ALK: variants seen among roughly 807,000 people sequenced by gnomAD.
The protein encoded by ALK is ALK tyrosine kinase receptor.
In ALK, 74 loss-of-function variants were observed where a neutral mutation model predicts 163.1. That is an observed-to-expected ratio of 0.45 (90% CI 0.38 to 0.55). The LOEUF (loss-of-function observed/expected upper bound fraction) is 0.55, where lower values mean the gene tolerates loss of function less well. ALK is among the 20% of genes least tolerant of loss of function. The pLI, the probability that ALK is intolerant of heterozygous loss-of-function variation, is 0.00. For synonymous variants in ALK, 960 were observed against 843.2 expected, an observed-to-expected ratio of 1.14 and a Z score of -2.40; for missense variants, 2,063 against 2,105.3, an observed-to-expected ratio of 0.98 and a Z score of 0.39.
chr2:29,392,717 T>G (rs1304796259), intron 4 of ALK, among the ~76,000 whole-genome samples: 1 of 151,908 alleles, frequency 6.6e-6, no homozygotes, highest in Non-Finnish European at 1.5e-5. Context: ...GGAGTAGGAG[T>G]AGACTGATCA....
chr2:29,477,102 G>A (rs1044448640), intron 4 of ALK, among the ~76,000 whole-genome samples: 10 of 152,156 alleles, frequency 6.6e-5, no homozygotes, highest in Non-Finnish European at 2.9e-5. Flanking sequence ...AGTGAACCAC[G>A]AGGGAGAGTT....
intron 1 of ALK, among the ~76,000 whole-genome samples, chr2:29,847,736 T>TGGTG (rs10690023): frequency 0.1 from 15,434 of 152,050 alleles, 990 homozygotes; most frequent in Non-Finnish European, 0.14. Context: ...CTTTATAGAA[T>TGGTG]GGTGTTCCAT....
At chr2:29,716,543 G>A (rs1679260506) in intron 2 of ALK, among the ~76,000 whole-genome samples, 1 of 152,134 alleles carries the variant, frequency 6.6e-6, no homozygotes, top group South Asian at 2.1e-4. Flanking sequence ...CCATGTAAAG[G>A]CAGCCTCCTG....
At chr2:29,710,229 C>T (rs927917198) in intron 2 of ALK, among the ~76,000 whole-genome samples, 27 of 152,262 alleles carry the variant, frequency 1.8e-4, no homozygotes, top group East Asian at 1.5e-3. Context: ...CCTTCTGCCA[C>T]GATTGTGAGG....
At chr2:29,496,980 T>G (rs1192522771) in intron 4 of ALK, among the ~76,000 whole-genome samples, 1 of 152,164 alleles carries the variant, frequency 6.6e-6, no homozygotes, top group Non-Finnish European at 1.5e-5. Context: ...CATCTTAAAA[T>G]CCTGATGAGG....
At chr2:29,773,777 T>C (rs1309926213) in intron 1 of ALK, among the ~76,000 whole-genome samples, 2 of 152,130 alleles carry the variant, frequency 1.3e-5, no homozygotes, top group African/African-American at 2.4e-5. Context: ...AAACGCATCA[T>C]AAAAAATAAG....
At chr2:29,283,792 A>ATAT (rs1042953621) in intron 9 of ALK, among the ~76,000 whole-genome samples, 1 of 152,066 alleles carries the variant, frequency 6.6e-6, no homozygotes, top group Non-Finnish European at 1.5e-5. Context: ...CTCCTGTTTT[A>ATAT]TATTATATGT....
chr2:29,319,720 G>A (rs746601285), intron 7 of ALK, among the ~76,000 whole-genome samples: 13 of 152,250 alleles, frequency 8.5e-5, no homozygotes, highest in Non-Finnish European at 1.6e-4. Context: ...TTTGCTATGG[G>A]TGCTGTAGTG....
intron 12 of ALK, among the ~76,000 whole-genome samples, chr2:29,240,583 C>A (rs899615590): frequency 1.3e-5 from 2 of 152,122 alleles, no homozygotes; most frequent in Non-Finnish European, 2.9e-5. Flanking sequence ...CTGTCTATTC[C>A]CATCTCACTG....
intron 1 of ALK, among the ~76,000 whole-genome samples, chr2:29,772,559 C>T (rs1054192943): frequency 2.0e-5 from 3 of 152,082 alleles, no homozygotes; most frequent in African/African-American, 7.2e-5. Context: ...AGTGGGAATT[C>T]CATGGAAAGG....
At chr2:29,776,250 A>G (rs1231683904) in intron 1 of ALK, among the ~76,000 whole-genome samples, 2 of 125,548 alleles carry the variant, frequency 1.6e-5, no homozygotes, top group Non-Finnish European at 1.7e-5. Flanking sequence ...AAAAAAAAAA[A>G]GAAGCTTCTT....
At chr2:29,487,993 T>G (rs1190285208) in intron 4 of ALK, among the ~76,000 whole-genome samples, 1 of 152,184 alleles carries the variant, frequency 6.6e-6, no homozygotes, top group Non-Finnish European at 1.5e-5. Context: ...TTATTTTTTT[T>G]TTCTGTTGGA....
chr2:29,609,722 T>C (rs1280862898), intron 3 of ALK, among the ~76,000 whole-genome samples: 3 of 152,002 alleles, frequency 2.0e-5, no homozygotes, highest in Non-Finnish European at 4.4e-5. Context: ...CAGCTCACTA[T>C]AGCTTTGAAC....
chr2:29,730,291 G>A (rs973909065), intron 1 of ALK, among the ~76,000 whole-genome samples: 1 of 152,216 alleles, frequency 6.6e-6, no homozygotes, highest in Non-Finnish European at 1.5e-5. Context: ...GGGATAAGCA[G>A]ATTCTGCTCT....
At position 29,841,092 on chromosome 2, in the gene ALK, C is replaced by T. The variant is rs527367327; in HGVS notation, c.667+78901G>A. Among the ~76,000 whole-genome samples, 1,090 of 152,170 alleles carry T rather than the reference C, an allele frequency of 7.2e-3. 15 individuals are homozygous for T. The highest frequency in any genetic ancestry group is 0.025 in the African/African-American group (1,052 of 41,522). ...CTCCCTTTGAATAAATCATATTCGG[C>T]CAGATTTTTCTGAATGTGGTTTCTA... On this transcript the variant is annotated intron_variant, in intron 1 of 28. Transcript: ENST00000389048.
At chr2:29,868,920 C>G (rs1666509469) in intron 1 of ALK, among the ~76,000 whole-genome samples, 1 of 152,150 alleles carries the variant, frequency 6.6e-6, no homozygotes, top group South Asian at 2.1e-4. Context: ...GGAATCCTGC[C>G]ACCATGTTGT....
intron 1 of ALK, among the ~76,000 whole-genome samples, chr2:29,889,372 C>T (rs4281863): frequency 0.77 from 116,584 of 151,926 alleles, 44,816 homozygotes; most frequent in East Asian, 0.8. Flanking sequence ...AGGAATGATA[C>T]CATTCAAAGC....
At chr2:29,748,679 T>G (rs1030961658) in intron 1 of ALK, among the ~76,000 whole-genome samples, 11 of 152,148 alleles carry the variant, frequency 7.2e-5, no homozygotes, top group African/African-American at 2.7e-4. Flanking sequence ...TGTATACATA[T>G]TTAATAGGTA....
chr2:29,197,737 A>ACACACAGG, intron 26 of ALK, 61 bp from the exon 27 acceptor site: 1 of 1,309,302 alleles, frequency 7.6e-7, no homozygotes, highest in Non-Finnish European at 1.1e-6. Context: ...ATTCACACAC[A>ACACACAGG]CACACAGGCA....
Sources: allele counts gnomAD v4.1 joint callset (sites outside exome capture counted in the v4.1 genomes callset), GRCh38; gene constraint gnomAD v4.1.1; transcripts MANE v1.5; gene names NCBI Gene and HGNC (gene_info 2026-07-23, HGNC 2026-07-21).